Variants in GPALPP1 observed in about 807,000 individuals in gnomAD.
GPALPP1 encodes GPALPP motifs-containing protein 1.
Under a neutral mutation model 38.9 loss-of-function variants are expected in GPALPP1, and 30 were observed. The observed-to-expected ratio is 0.77, with a 90% CI of 0.58 to 1.05. GPALPP1 has a LOEUF of 1.05. GPALPP1 is among the 50% of genes least tolerant of loss of function. The pLI is 0.00. For synonymous variants in GPALPP1, 120 were observed against 139.2 expected (o/e 0.86, Z 0.97); for missense variants, 384 against 408.8 (o/e 0.94, Z 0.52).
downstream of GPALPP1, chr13:45,035,019 C>T (rs1367183245): frequency 6.9e-6 from 1 of 144,284 alleles, no homozygotes; most frequent in Non-Finnish European, 1.5e-5. Context: ...TGCAGTGGCG[C>T]CATCTCGGCT....
At chr13:45,008,977 A>G (rs757298611) in intron 4 of GPALPP1, 98 bp downstream of exon 4, 3 of 738,516 alleles carry the variant, frequency 4.1e-6, no homozygotes, top group Non-Finnish European at 7.5e-6. Context: ...TGCAGTTACT[A>G]CAACCACTGG....
Position 45,008,780 on chromosome 13 carries a change from C to T in GPALPP1, c.324-15C>T, listed in dbSNP as rs746859338. The T allele has an allele frequency of 5.8e-6, 8 of 1,375,066 alleles. No homozygotes were observed. The highest frequency in any genetic ancestry group is 5.2e-5 in the Admixed American group (3 of 57,394). 85.2% of individuals were successfully genotyped at this position (1,375,066 alleles called of 1,614,324 possible). ...AAAGTCAGGGAGAATGATAAAAGTA[C>T]ATTTTATTTTTCAGGCCCATAATAG... On this transcript the variant is annotated splice_polypyrimidine_tract_variant and intron_variant, in intron 3 of 7. Coordinates refer to ENST00000379151, the MANE Select transcript of GPALPP1 (RefSeq NM_018559.5).
chr13:44,990,137 A>G, intron 1 of GPALPP1: 1 of 417,486 alleles, frequency 2.4e-6, no homozygotes, highest in Non-Finnish European at 4.2e-6. Context: ...CGCGACTTAG[A>G]AGGAAGCGGT....
chr13:44,999,278 T>C (rs1421288394), intron 1 of GPALPP1, among the ~76,000 whole-genome samples: 2 of 152,128 alleles, frequency 1.3e-5, no homozygotes, highest in Non-Finnish European at 2.9e-5. Flanking sequence ...TTTTTTTATA[T>C]GCATATCACA....
intron 1 of GPALPP1, among the ~76,000 whole-genome samples, chr13:44,991,094 TA>T (rs1394220158): frequency 6.8e-6 from 1 of 146,210 alleles, no homozygotes; most frequent in Non-Finnish European, 1.5e-5. Context: ...TCTCAATAAA[TA>T]AATAAATAAA....
chr13:44,997,808 T>C (rs1873401434), intron 1 of GPALPP1, among the ~76,000 whole-genome samples: 3 of 152,138 alleles, frequency 2.0e-5, no homozygotes, highest in Admixed American at 2.0e-4. Context: ...CTTTATCCCA[T>C]TGGGTATTCT....
At chr13:45,000,043 G>A (rs1383169234) in intron 1 of GPALPP1, among the ~76,000 whole-genome samples, 1 of 152,096 alleles carries the variant, frequency 6.6e-6, no homozygotes, top group East Asian at 1.9e-4. Flanking sequence ...TTTCTTAGAT[G>A]AGTTTTATCT....
At chr13:45,009,651 A>G (rs1215774196) in intron 4 of GPALPP1, among the ~76,000 whole-genome samples, 1 of 152,214 alleles carries the variant, frequency 6.6e-6, no homozygotes. Flanking sequence ...TATATTCCAG[A>G]GACTCCTGTT....
At chr13:45,019,527 A>G (rs1252641011) in intron 6 of GPALPP1, among the ~76,000 whole-genome samples, 3 of 151,198 alleles carry the variant, frequency 2.0e-5, no homozygotes, top group Non-Finnish European at 4.4e-5. Context: ...GAGTTTTTTT[A>G]GTAAATTCTT....
At chr13:45,027,139 C>T (rs1317531017) in intron 7 of GPALPP1, among the ~76,000 whole-genome samples, 1 of 152,176 alleles carries the variant, frequency 6.6e-6, no homozygotes, top group African/African-American at 2.4e-5. Context: ...CCTTTTCCAT[C>T]TCCCTCCCTG....
intron 1 of GPALPP1, among the ~76,000 whole-genome samples, chr13:44,993,661 G>A (rs1429004070): frequency 1.3e-5 from 2 of 148,872 alleles, no homozygotes; most frequent in Non-Finnish European, 3.0e-5. Flanking sequence ...CAGCCTGGGC[G>A]ACAGATCGAG....
intron 1 of GPALPP1, among the ~76,000 whole-genome samples, chr13:45,000,217 G>T (rs769751939): frequency 3.3e-5 from 5 of 152,096 alleles, no homozygotes; most frequent in South Asian, 4.1e-4. Context: ...AAGCGTTCAA[G>T]ACCAAGCTGG....
intron 1 of GPALPP1, among the ~76,000 whole-genome samples, chr13:44,996,594 T>A (rs1873295175): frequency 6.6e-6 from 1 of 151,776 alleles, no homozygotes; most frequent in Non-Finnish European, 1.5e-5. Context: ...GTGATTCTCC[T>A]GCCTCAGCCT....
intron 7 of GPALPP1, among the ~76,000 whole-genome samples, chr13:45,022,527 A>C (rs1386779176): frequency 6.6e-6 from 1 of 152,182 alleles, no homozygotes; most frequent in Non-Finnish European, 1.5e-5. Context: ...TGCATCCAAA[A>C]AATTAGGGTT....
intron 1 of GPALPP1, among the ~76,000 whole-genome samples, chr13:44,990,815 G>T (rs1872741997): frequency 1.3e-5 from 2 of 152,156 alleles, no homozygotes; most frequent in Non-Finnish European, 2.9e-5. Context: ...CCAGCTGAGC[G>T]AGGTGGCACA....
At chr13:45,014,400 G>T (rs73181517) in intron 4 of GPALPP1, among the ~76,000 whole-genome samples, 1 of 151,974 alleles carries the variant, frequency 6.6e-6, no homozygotes, top group Non-Finnish European at 1.5e-5. Context: ...GGCCACTGTT[G>T]TATACATGGA....
Position 45,000,590 on chromosome 13 carries a change from A to G in GPALPP1, c.89-3715A>G, listed in dbSNP as rs140456246. On this transcript the variant is annotated intron_variant, in intron 1 of 7. Transcript: ENST00000379151. ...ATCCAAAATTGGCCAATAGTATACA[A>G]TTGATAAATTACATGGATAGCAGTC... is the stretch of plus-strand genomic sequence containing the variant. Among the ~76,000 whole-genome samples, 793 of 152,062 alleles carry G rather than the reference A, an allele frequency of 5.2e-3. 7 individuals carry two copies. Among genetic ancestry groups the G allele is most frequent in the African/African-American group, 0.018 (744 of 41,342 alleles).
chr13:45,012,401 A>G (rs957327674), intron 4 of GPALPP1, among the ~76,000 whole-genome samples: 5 of 152,162 alleles, frequency 3.3e-5, no homozygotes, highest in African/African-American at 1.2e-4. Flanking sequence ...AAAAAAAATG[A>G]ATGTGTTAAA....
chr13:44,994,666 T>C lies in GPALPP1; in HGVS notation c.88+4924T>C, dbSNP rs1025978807. 3.3e-5 allele frequency among the ~76,000 whole-genome samples: 5 copies of C among 152,210 alleles called. No homozygotes were observed. The South Asian group carries it at 1.0e-3, about 32-fold the overall frequency. On this transcript the variant is annotated intron_variant, in intron 1 of 7. Coordinates refer to ENST00000379151, the MANE Select transcript of GPALPP1 (RefSeq NM_018559.5). ...ACTTCATCTTGGGATTCAGGTGTTA[T>C]GGGCCTCCTCACGTGATAAACATAA... is the stretch of plus-strand genomic sequence containing the variant.
Sources: allele counts gnomAD v4.1 joint callset (sites outside exome capture counted in the v4.1 genomes callset), GRCh38; gene constraint gnomAD v4.1.1; transcripts MANE v1.5; gene names NCBI Gene and HGNC (gene_info 2026-07-23, HGNC 2026-07-21).